The following ANKRD30B variants were observed in gnomAD, a reference collection of about 807,000 sequenced individuals.
ANKRD30B encodes ankyrin repeat domain-containing protein 30B.
ANKRD30B carries 144 observed loss-of-function variants against 202.2 expected under a neutral mutation model. The observed-to-expected ratio is 0.71, with a 90% CI of 0.62 to 0.82. The LOEUF is 0.82. Ranked by LOEUF, ANKRD30B falls within the 40% of genes least tolerant of loss-of-function variation. ANKRD30B has a pLI of 0.00. For missense variants in ANKRD30B, 1,487 were observed against 1,669.1 expected, an observed-to-expected ratio of 0.89 and a Z score of 1.90; for synonymous variants, 508 against 561.3, an observed-to-expected ratio of 0.91 and a Z score of 1.34.
chr18:14,787,268 C>T (rs1968151022), intron 15 of ANKRD30B, among the ~76,000 whole-genome samples, 168 bp downstream of exon 15: 1 of 152,044 alleles, frequency 6.6e-6, no homozygotes. Context: ...AGTAGATTAC[C>T]ACTTCATGGT....
intron 9 of ANKRD30B, among the ~76,000 whole-genome samples, chr18:14,777,646 T>C (rs140901474): frequency 0.013 from 1,913 of 152,266 alleles, 39 homozygotes; most frequent in African/African-American, 0.044. Flanking sequence ...ATTTTTATTA[T>C]TTTTAAATTG....
At chr18:14,872,268 G>A in the ANKRD30B span, among the ~76,000 whole-genome samples, 14 of 152,270 alleles carry the variant, frequency 9.2e-5, no homozygotes, top group African/African-American at 3.4e-4. Context: ...AGCCTGATTT[G>A]TTAGCTAAGC....
the ANKRD30B span, among the ~76,000 whole-genome samples, chr18:14,890,951 C>T: frequency 6.6e-6 from 1 of 152,046 alleles, no homozygotes; most frequent in East Asian, 1.9e-4. Flanking sequence ...TCCTTTATTA[C>T]ATATATCTTC....
At chr18:14,858,706 A>G (rs1330083741), downstream of ANKRD30B, among the ~76,000 whole-genome samples, 60 of 125,952 alleles carry the variant, frequency 4.8e-4, no homozygotes, top group Middle Eastern at 5.7e-3. Flanking sequence ...GGGCAGAGGC[A>G]CTCCTCACCT....
chr18:14,797,545 G>T, intron 18 of ANKRD30B, 116 bp from the exon 19 acceptor site: 1 of 1,212,008 alleles, frequency 8.3e-7, no homozygotes, highest in Non-Finnish European at 1.2e-6. Context: ...AAAACCTAGT[G>T]TAATCCCTTT....
the ANKRD30B span, among the ~76,000 whole-genome samples, chr18:14,860,359 C>T: frequency 8.6e-6 from 1 of 116,468 alleles, no homozygotes; most frequent in Non-Finnish European, 1.8e-5. Context: ...GGCTGCCGGG[C>T]AGAGGCGCTC....
the ANKRD30B span, among the ~76,000 whole-genome samples, chr18:14,872,897 C>A: frequency 6.6e-6 from 1 of 152,124 alleles, no homozygotes; most frequent in Non-Finnish European, 1.5e-5. Context: ...GGATATCAGG[C>A]ACCACGCAGC....
At chr18:14,894,272 A>T in the ANKRD30B span, among the ~76,000 whole-genome samples, 1 of 152,206 alleles carries the variant, frequency 6.6e-6, no homozygotes. Context: ...AAATTATCTG[A>T]AATCTTTCAG....
the ANKRD30B span, among the ~76,000 whole-genome samples, chr18:14,861,266 AAC>A: frequency 6.6e-6 from 1 of 152,238 alleles, no homozygotes; most frequent in Non-Finnish European, 1.5e-5. Flanking sequence ...AAGAAAACCT[AAC>A]ACATCAATAT....
At chr18:14,763,556 G>A (rs60620370) in intron 6 of ANKRD30B, 130 bp from the exon 7 acceptor site, 1 of 1,318,520 alleles carries the variant, frequency 7.6e-7, no homozygotes, top group South Asian at 1.4e-5. Context: ...TCAAAAAAAA[G>A]AGAAGAGAGA....
chr18:14,890,870 ATTAACTT>A, the ANKRD30B span, among the ~76,000 whole-genome samples: 1 of 152,030 alleles, frequency 6.6e-6, no homozygotes, highest in Non-Finnish European at 1.5e-5. Context: ...TACCTTTGTA[ATTAACTT>A]TTAAATCTTT....
At chr18:14,895,241 C>T in the ANKRD30B span, among the ~76,000 whole-genome samples, 2 of 150,678 alleles carry the variant, frequency 1.3e-5, no homozygotes, top group South Asian at 4.2e-4. Flanking sequence ...ACACAATATA[C>T]CCAGGTAAAG....
rs1433197856 is a variant in ANKRD30B, at chr18:14,777,998, G to T, written c.1343G>T (p.Ser448Ile). The T allele has an allele frequency of 1.3e-6, 2 of 1,546,044 alleles. No individual in the cohort carries two copies. The highest frequency in any genetic ancestry group is 4.0e-5 in the Admixed American group (2 of 50,210). Reference sequence around the variant, plus strand: ...TACCTTTAACAGATTATCTCTAAGAGTGCTGCACAGAATTATACGTGTTTA... The same window carrying T: ...TACCTTTAACAGATTATCTCTAAGATTGCTGCACAGAATTATACGTGTTTA... ...FNLATKIISK[S>I]AAQNYTCLPD... is the part of the protein sequence containing the mutation. Residue 448 changes from serine (S) to isoleucine (I), a missense_variant, in exon 10 of 44, where the codon AGT (serine) becomes ATT (isoleucine). Coordinates refer to ENST00000690538, the MANE Select transcript of ANKRD30B (RefSeq NM_001367607.2).
chr18:14,897,841 C>T, the ANKRD30B span, among the ~76,000 whole-genome samples: 2 of 152,164 alleles, frequency 1.3e-5, no homozygotes, highest in African/African-American at 4.8e-5. Context: ...CCAGAATCTG[C>T]TCATTTTTCT....
chr18:14,932,391 G>C, the ANKRD30B span, among the ~76,000 whole-genome samples: 4,214 of 152,018 alleles, frequency 0.028, 215 homozygotes, highest in African/African-American at 0.097. Context: ...GGCTGGAGTG[G>C]CGTGGCGCGA....
At position 14,828,263 on chromosome 18, in the gene ANKRD30B, T is replaced by C; in HGVS notation, c.2744-15T>C. On this transcript the variant is annotated splice_polypyrimidine_tract_variant and intron_variant, in intron 32 of 43. Transcript: ENST00000690538. ...TATTTGTTGATTTAATGTATTTTAC[T>C]CTTTTCTTTAATAGAGGATGTGAGT... 2 of 1,523,332 alleles carry C rather than the reference T, an allele frequency of 1.3e-6. No homozygotes were observed. The highest frequency in any genetic ancestry group is 1.8e-6 in the Non-Finnish European group (2 of 1,133,420). The allele number at this position is 1,523,332 out of a possible 1,614,324, so 94.4% of individuals were successfully genotyped here.
the ANKRD30B span, among the ~76,000 whole-genome samples, chr18:14,932,328 T>C: frequency 1.3e-5 from 2 of 151,670 alleles, no homozygotes; most frequent in East Asian, 2.0e-4. Flanking sequence ...CCCCTATCTC[T>C]ATCTTTTTGT....
chr18:14,751,914 T>C (rs1303661763), intron 1 of ANKRD30B, among the ~76,000 whole-genome samples: 3 of 152,166 alleles, frequency 2.0e-5, no homozygotes, highest in African/African-American at 7.2e-5. Context: ...CTTTATTTTA[T>C]GCACCAATTA....
the ANKRD30B span, among the ~76,000 whole-genome samples, chr18:14,911,149 G>A: frequency 6.6e-6 from 1 of 151,764 alleles, no homozygotes; most frequent in Non-Finnish European, 1.5e-5. Context: ...TCTATTTTTG[G>A]TTTTGTTGCA....
Sources: allele counts gnomAD v4.1 joint callset (sites outside exome capture counted in the v4.1 genomes callset), GRCh38; gene constraint gnomAD v4.1.1; transcripts MANE v1.5; gene names NCBI Gene and HGNC (gene_info 2026-07-23, HGNC 2026-07-21).